The following CTNNA3 variants were observed in gnomAD, a reference collection of about 807,000 sequenced individuals.
CTNNA3 encodes the protein catenin alpha-3.
CTNNA3 carries 76 observed loss-of-function variants against 95.7 expected under a neutral mutation model. That is an observed-to-expected ratio of 0.79 (90% confidence interval 0.66 to 0.96). The LOEUF is 0.96. Among genes scored for constraint, CTNNA3 ranks in the 40% least tolerant of loss-of-function variants. The pLI, the probability that CTNNA3 is intolerant of heterozygous loss-of-function variation, is 0.00. For missense variants in CTNNA3, 1,191 were observed against 1,089.8 expected, an observed-to-expected ratio of 1.09 and a Z score of -1.31; for synonymous variants, 431 against 374.4, an observed-to-expected ratio of 1.15 and a Z score of -1.74.
chr10:65,935,234 A>G (rs1356228568), intron 17 of CTNNA3, among the ~76,000 whole-genome samples: 1 of 152,180 alleles, frequency 6.6e-6, no homozygotes, highest in Non-Finnish European at 1.5e-5. Flanking sequence ...AAGGAAGAAT[A>G]AAGAATTTGT....
intron 14 of CTNNA3, among the ~76,000 whole-genome samples, chr10:66,071,781 G>A (rs1403006910): frequency 6.6e-6 from 1 of 152,124 alleles, no homozygotes; most frequent in Non-Finnish European, 1.5e-5. Context: ...CACTTTTTGA[G>A]TAAAGTGATG....
chr10:66,103,750 T>C (rs113697730), intron 13 of CTNNA3, among the ~76,000 whole-genome samples: 98 of 152,284 alleles, frequency 6.4e-4, no homozygotes, highest in Admixed American at 1.8e-3. Flanking sequence ...TGACAGCTGA[T>C]GGGTATGTGG....
At position 65,984,256 on chromosome 10, in the gene CTNNA3, T is replaced by C. The variant is rs1291330443; in HGVS notation, c.2265+4436A>G. On this transcript the variant is annotated intron_variant, in intron 16 of 17. Transcript: ENST00000433211. ...AAATCACATTGCTTACATTACTCAATTTATTCCATAATCAATTTCAGATAT... is the reference window on the plus strand; with the variant it reads ...AAATCACATTGCTTACATTACTCAACTTATTCCATAATCAATTTCAGATAT... Among the ~76,000 whole-genome samples the C allele has an allele frequency of 2.6e-5, 4 of 151,430 alleles. No individual in the cohort carries two copies. In the East Asian group the frequency reaches 7.8e-4, roughly 29 times the overall value.
chr10:66,490,951 A>G (rs1308983862), intron 11 of CTNNA3, among the ~76,000 whole-genome samples: 1 of 152,168 alleles, frequency 6.6e-6, no homozygotes, highest in Non-Finnish European at 1.5e-5. Flanking sequence ...ATGTTTCATT[A>G]TTTGCTACCA....
At chr10:66,369,523 T>C (rs1253863633) in intron 12 of CTNNA3, among the ~76,000 whole-genome samples, 2 of 152,186 alleles carry the variant, frequency 1.3e-5, no homozygotes, top group Non-Finnish European at 2.9e-5. Context: ...TTTTCTATTA[T>C]ACTTTAAGTT....
intron 10 of CTNNA3, among the ~76,000 whole-genome samples, chr10:66,597,833 A>C (rs923119601): frequency 6.6e-6 from 1 of 151,932 alleles, no homozygotes; most frequent in African/African-American, 2.4e-5. Context: ...AAAATCTGAG[A>C]AACTTCACCA....
chr10:67,513,890 C>T (rs900334369), intron 5 of CTNNA3, among the ~76,000 whole-genome samples: 1 of 152,200 alleles, frequency 6.6e-6, no homozygotes, highest in African/African-American at 2.4e-5. Context: ...AGAGGGCTCA[C>T]CAAAGAACCA....
intron 17 of CTNNA3, among the ~76,000 whole-genome samples, chr10:65,950,816 G>T (rs941631508): frequency 1.3e-5 from 2 of 152,148 alleles, no homozygotes; most frequent in African/African-American, 4.8e-5. Context: ...ACATTTAACA[G>T]TAGAGACTCT....
intron 1 of CTNNA3, among the ~76,000 whole-genome samples, chr10:67,676,635 G>A (rs1194920871): frequency 6.6e-6 from 1 of 152,136 alleles, no homozygotes; most frequent in African/African-American, 2.4e-5. Flanking sequence ...CTTTGTTGAA[G>A]GATGCTGGTG....
intron 13 of CTNNA3, among the ~76,000 whole-genome samples, chr10:66,112,082 C>T (rs75074665): frequency 0.021 from 3,165 of 152,230 alleles, 37 homozygotes; most frequent in Non-Finnish European, 0.034. Context: ...AGTGAAGATT[C>T]GGTAAATCTG....
At chr10:67,134,332 G>T (rs994373225) in intron 7 of CTNNA3, among the ~76,000 whole-genome samples, 1 of 152,106 alleles carries the variant, frequency 6.6e-6, no homozygotes, top group African/African-American at 2.4e-5. Context: ...AAGTGATAAC[G>T]AGACTGATAA....
chr10:67,011,669 C>T (rs543165314), intron 7 of CTNNA3, among the ~76,000 whole-genome samples: 32 of 152,192 alleles, frequency 2.1e-4, no homozygotes, highest in Non-Finnish European at 3.8e-4. Flanking sequence ...ATAATGATGA[C>T]GATAGCAAAT....
At chr10:66,666,189 A>C (rs1337623127) in intron 9 of CTNNA3, among the ~76,000 whole-genome samples, 4 of 152,146 alleles carry the variant, frequency 2.6e-5, no homozygotes, top group Non-Finnish European at 5.9e-5. Context: ...CCTAAGCCAG[A>C]CTGTCTACTT....
intron 9 of CTNNA3, among the ~76,000 whole-genome samples, chr10:66,685,293 ATGTG>A (rs1247137356): frequency 2.3e-4 from 16 of 70,094 alleles, no homozygotes; most frequent in African/African-American, 4.8e-4. Flanking sequence ...AAGTATATAT[ATGTG>A]TGTATATATA....
intron 7 of CTNNA3, among the ~76,000 whole-genome samples, chr10:67,121,597 T>C (rs1297793476): frequency 6.6e-6 from 1 of 152,008 alleles, no homozygotes; most frequent in Non-Finnish European, 1.5e-5. Flanking sequence ...TTGAGTAGTA[T>C]AGGATAACTT....
intron 4 of CTNNA3, among the ~76,000 whole-genome samples, chr10:67,534,534 T>C (rs1840432209): frequency 6.6e-6 from 1 of 152,158 alleles, no homozygotes; most frequent in Admixed American, 6.5e-5. Flanking sequence ...TTTGAAGATT[T>C]CGAACATACA....
At chr10:67,310,751 C>T (rs567707239) in intron 5 of CTNNA3, among the ~76,000 whole-genome samples, 39 of 152,120 alleles carry the variant, frequency 2.6e-4, no homozygotes, top group Non-Finnish European at 4.0e-4. Flanking sequence ...TAAGAAGTCA[C>T]GGACTGGCAC....
At chr10:67,253,311 C>G (rs772573588) in intron 5 of CTNNA3, among the ~76,000 whole-genome samples, 43 of 152,242 alleles carry the variant, frequency 2.8e-4, no homozygotes, top group Middle Eastern at 3.4e-3. Context: ...AAATGTTATG[C>G]AGAACAATGT....
intron 11 of CTNNA3, among the ~76,000 whole-genome samples, chr10:66,497,833 C>A (rs547054138): frequency 1.6e-4 from 24 of 152,098 alleles, no homozygotes; most frequent in African/African-American, 5.8e-4. Flanking sequence ...GGACATTTTT[C>A]AGAAGAAATA....
Sources: allele counts gnomAD v4.1 joint callset (sites outside exome capture counted in the v4.1 genomes callset), GRCh38; gene constraint gnomAD v4.1.1; transcripts MANE v1.5; gene names NCBI Gene and HGNC (gene_info 2026-07-23, HGNC 2026-07-21).